ZNF443: variants seen among roughly 807,000 people sequenced by gnomAD.
ZNF443 encodes the protein Kruppel-type zinc finger (C2H2).
In ZNF443, 3 loss-of-function variants were observed where a neutral mutation model predicts 12.0. The ratio of observed to expected loss-of-function variants is 0.25; its 90% CI spans 0.11 to 0.64. ZNF443 has a LOEUF of 0.64. Among genes scored for constraint, ZNF443 ranks in the 30% least tolerant of loss-of-function variants. The pLI is 0.84. For synonymous variants in ZNF443, 225 were observed against 265.9 expected (o/e 0.85, Z 1.50); for missense variants, 770 against 808.8 (o/e 0.95, Z 0.58).
At position 12,431,232 on chromosome 19, in the gene ZNF443, AT is replaced by A. The variant is rs868517629; in HGVS notation, c.939del (p.Gln313HisfsTer44). On this transcript the variant is annotated frameshift_variant, in exon 4 of 4. Transcript: ENST00000301547. LOFTEE classifies it low-confidence loss of function (END_TRUNC). The stretch of plus-strand genomic sequence containing the variant: ...CCGGAAACACTGAAGGCTTTCCCAC[AT>A]TGTTTACATGTATAGGGTTTCTCTC... ...HTGEKPYTCK[Q>X]CGKAFSVSGS... 2 of 1,613,872 alleles carry A rather than the reference AT, an allele frequency of 1.2e-6. No homozygotes were observed. Among genetic ancestry groups the A allele is most frequent in the Admixed American group, 1.7e-5 (1 of 59,990 alleles).
Position 12,431,713 on chromosome 19 carries a change from G to A in ZNF443, c.459C>T (p.His153=). The A allele has an allele frequency of 6.2e-7, 1 of 1,614,156 alleles. No homozygotes were observed. The highest frequency in any genetic ancestry group is 1.3e-5 in the African/African-American group (1 of 75,048). Residue 153 remains histidine, a synonymous_variant, in exon 4 of 4, where the codon CAC becomes CAT. Coordinates refer to ENST00000301547, the MANE Select transcript of ZNF443 (RefSeq NM_005815.5). ...GCCTCTCATGTGTTTGAAATGAGTT[G>A]TGGTAACTGAAGGCTTTCCCACGTT... is the stretch of plus-strand genomic sequence containing the variant. ...HKQRGKAFSY[H]NSFQTHERLH...
Position 12,430,604 on chromosome 19 carries a change from TTA to T in ZNF443, c.1566_1567del (p.His522GlnfsTer11), listed in dbSNP as rs749436461. ...AGGTTTCTCTCCTGTGTGAGTCCTTTTATGTCGAGAAAGGTATCTGAAACGAC... is the reference window on the plus strand; with the variant it reads ...AGGTTTCTCTCCTGTGTGAGTCCTTTTGTCGAGAAAGGTATCTGAAACGAC... On this transcript the variant is annotated frameshift_variant, in exon 4 of 4. Transcript: ENST00000301547. LOFTEE classifies it low-confidence loss of function (END_TRUNC). 1.5e-5 allele frequency: 25 copies of T among 1,613,832 alleles called. No individual in the cohort carries two copies. Among genetic ancestry groups the T allele is most frequent in the Non-Finnish European group, 2.0e-5 (24 of 1,179,944 alleles).
chr19:12,435,968 C>T (rs1381362729), intron 1 of ZNF443, among the ~76,000 whole-genome samples: 1 of 151,832 alleles, frequency 6.6e-6, no homozygotes, highest in Non-Finnish European at 1.5e-5. Context: ...CTTTTCAACA[C>T]AAAATTATGA....
intron 3 of ZNF443, 22 bp downstream of exon 3, chr19:12,432,355 T>C: frequency 6.4e-7 from 1 of 1,558,960 alleles, no homozygotes; most frequent in East Asian, 2.3e-5. Flanking sequence ...GGACATATCT[T>C]TCTCTTGTGA....
chr19:12,439,250 G>A (rs1426319803), intron 1 of ZNF443, among the ~76,000 whole-genome samples: 2 of 152,226 alleles, frequency 1.3e-5, no homozygotes, highest in Non-Finnish European at 2.9e-5. Flanking sequence ...TATGGAATAT[G>A]ACCATGAAAT....
chr19:12,440,585 G>C lies in ZNF443; in HGVS notation c.3+327C>G, dbSNP rs570801311. ...CTCCTGTTAAACCGTTTCTGCTGCA[G>C]CCCTCGGCGTCTCGGTGCAGTGAGT... On this transcript the variant is annotated intron_variant, in intron 1 of 3. Transcript: ENST00000301547. Among the ~76,000 whole-genome samples, 103 of 151,564 alleles carry C rather than the reference G, an allele frequency of 6.8e-4. No individual in the cohort carries two copies. The East Asian group carries it at 0.019, about 28-fold the overall frequency.
chr19:12,440,851 G>A lies in ZNF443; in HGVS notation c.3+61C>T, dbSNP rs1970357519. 2.2e-5 allele frequency: 35 copies of A among 1,613,180 alleles called. No homozygotes were observed. The South Asian group carries it at 3.8e-4, about 18-fold the overall frequency. On this transcript the variant is annotated intron_variant, in intron 1 of 3. Coordinates refer to ENST00000301547, the MANE Select transcript of ZNF443 (RefSeq NM_005815.5). ...GGGAGGCCCGGGTCCAGCCACAGCC[G>A]ATTACGGCCGGTTCCACCTAACCCC...
chr19:12,433,887 T>A (rs1278742080), intron 1 of ZNF443, among the ~76,000 whole-genome samples: 1 of 151,838 alleles, frequency 6.6e-6, no homozygotes, highest in Non-Finnish European at 1.5e-5. Context: ...AGAGGTGATT[T>A]AGTTCTGAGG....
Position 12,440,964 on chromosome 19 carries a change from ATG to A in ZNF443, c.-52_-51del, listed in dbSNP as rs2144962708. ...GTCCTACCGACAGCTCCCGCTGCCA[ATG>A]CGTGTTCCAGCCAGACAAAGGCTGC... is the stretch of plus-strand genomic sequence containing the variant. On this transcript the variant is annotated 5_prime_UTR_variant, in exon 1 of 4. Transcript: ENST00000301547. 1 of 1,613,910 alleles carries A rather than the reference ATG, an allele frequency of 6.2e-7. No homozygotes were observed. Among genetic ancestry groups the A allele is most frequent in the East Asian group, 2.2e-5 (1 of 44,886 alleles).
At chr19:12,438,267 T>G (rs1970333324) in intron 1 of ZNF443, among the ~76,000 whole-genome samples, 1 of 152,226 alleles carries the variant, frequency 6.6e-6, no homozygotes, top group Admixed American at 6.5e-5. Flanking sequence ...AGTGTCTATG[T>G]CTACGGGTGG....
At chr19:12,435,127 T>G (rs1444122035) in intron 1 of ZNF443, among the ~76,000 whole-genome samples, 2 of 151,938 alleles carry the variant, frequency 1.3e-5, no homozygotes, top group East Asian at 3.9e-4. Flanking sequence ...ACAGGAATGC[T>G]CAAACACATT....
Position 12,430,605 on chromosome 19 carries a change from T to G in ZNF443, c.1567A>C (p.Lys523Gln). 1.2e-6 allele frequency: 2 copies of G among 1,613,640 alleles called. No individual in the cohort carries two copies. The highest frequency in any genetic ancestry group is 2.7e-5 in the African/African-American group (2 of 74,914). Residue 523 changes from lysine to glutamine, a missense_variant, in exon 4 of 4, where the codon AAA becomes CAA. Around this residue, in one of 3 missense-constraint regions of ZNF443, gnomAD observed 736 missense variants for 689.4 expected, o/e 1.07. Coordinates refer to ENST00000301547, the MANE Select transcript of ZNF443 (RefSeq NM_005815.5). Reference protein sequence around the residue: ...FSRFRYLSRHKRTHTGEKPYE... With the variant: ...FSRFRYLSRHQRTHTGEKPYE... The stretch of plus-strand genomic sequence containing the variant: ...GGTTTCTCTCCTGTGTGAGTCCTTT[T>G]ATGTCGAGAAAGGTATCTGAAACGA...
At chr19:12,437,196 C>T (rs902265617) in intron 1 of ZNF443, among the ~76,000 whole-genome samples, 1 of 151,958 alleles carries the variant, frequency 6.6e-6, no homozygotes, top group African/African-American at 2.4e-5. Context: ...TGAGCCCACA[C>T]TCAGCAACAC....
rs745390331 is a variant in ZNF443, at chr19:12,430,524, G to T, written c.1648C>A (p.His550Asn). The T allele has an allele frequency of 2.5e-6, 4 of 1,613,972 alleles. No homozygotes were observed. Among genetic ancestry groups the T allele is most frequent in the Non-Finnish European group, 3.4e-6 (4 of 1,179,986 alleles). Residue 550 changes from histidine (H) to asparagine (N), a missense_variant, in exon 4 of 4, where the codon CAT (histidine) becomes AAT (asparagine). His to Asn is a moderately conservative substitution (Grantham distance 68). This residue lies in a region of ZNF443 where 736 missense variants were observed against 689.4 expected (regional missense o/e 1.07). Transcript: ENST00000301547. The stretch of plus-strand genomic sequence containing the variant: ...TTCTCTCCAGAGTGAATTCTTTCAT[G>T]TACCTTTAAGTTATCATAATGACCG... ...AFGHYDNLKVHERIHSGEKPY... is the reference protein window; with the variant it reads ...AFGHYDNLKVNERIHSGEKPY...
intron 1 of ZNF443, among the ~76,000 whole-genome samples, chr19:12,434,299 A>G (rs1218526497): frequency 6.6e-6 from 1 of 152,166 alleles, no homozygotes. Flanking sequence ...AGCCCATCCT[A>G]TGTGATTATA....
intron 1 of ZNF443, among the ~76,000 whole-genome samples, chr19:12,435,810 T>C (rs2144955415): frequency 6.6e-6 from 1 of 151,670 alleles, no homozygotes; most frequent in East Asian, 1.9e-4. Context: ...CTACAACAAA[T>C]AAGGAATACA....
At chr19:12,439,237 TC>T (rs1193318311) in intron 1 of ZNF443, among the ~76,000 whole-genome samples, 8 of 152,196 alleles carry the variant, frequency 5.3e-5, no homozygotes, top group Admixed American at 2.6e-4. Flanking sequence ...CCGTTTTTTT[TC>T]CTATGGAATA....
At chr19:12,432,460 T>A (rs1970267139) in intron 2 of ZNF443, 23 bp from the exon 3 acceptor site, 7 of 1,414,684 alleles carry the variant, frequency 4.9e-6, no homozygotes, top group Non-Finnish European at 6.7e-6. Context: ...CACAGAAAAA[T>A]CATTACAAAT....
At position 12,431,463 on chromosome 19, in the gene ZNF443, A is replaced by G; in HGVS notation, c.709T>C (p.Tyr237His). ...CKQCSKAFSF[Y>H]SSYLRHERTH... is the part of the protein sequence containing the mutation. ...CTTTCATGTCTTAGATAGGAACTGT[A>G]AAAAGAAAAGGCTTTAGAACACTGC... is the stretch of plus-strand genomic sequence containing the variant. Residue 237 changes from tyrosine (Y) to histidine (H), a missense_variant, in exon 4 of 4, where the codon TAC becomes CAC. By Grantham distance (83) the Tyr-to-His change is moderately conservative. Coordinates refer to ENST00000301547, the MANE Select transcript of ZNF443 (RefSeq NM_005815.5). 1 of 1,614,024 alleles carries G rather than the reference A, an allele frequency of 6.2e-7. No homozygotes were observed. Among genetic ancestry groups the G allele is most frequent in the Admixed American group, 1.7e-5 (1 of 60,006 alleles).
Sources: gnomAD v4.1 joint callset for allele counts (sites outside exome capture counted in the v4.1 genomes callset) on GRCh38, gnomAD v4.1.1 for gene constraint, gnomAD v4.1.1 regional missense constraint, MANE v1.5 for transcripts, NCBI Gene and HGNC (gene_info 2026-07-23, HGNC 2026-07-21) for gene names.